The following SLC71A2 variants were observed in gnomAD, a reference collection of about 807,000 sequenced individuals.
The protein encoded by SLC71A2 is solute carrier family 71 member 2.
At chr9:94,419,456 G>A in the SLC71A2 span, among the ~76,000 whole-genome samples, 6 of 151,280 alleles carry the variant, frequency 4.0e-5, no homozygotes, top group Non-Finnish European at 8.8e-5. Context: ...ACCATGCCTG[G>A]CTCTTTTTTT....
the SLC71A2 span, among the ~76,000 whole-genome samples, chr9:94,422,601 A>G: frequency 6.6e-6 from 1 of 152,058 alleles, no homozygotes; most frequent in African/African-American, 2.4e-5. Flanking sequence ...TGGGTGAACA[A>G]TTTACTCTTC....
chr9:94,414,732 T>C, the SLC71A2 span, among the ~76,000 whole-genome samples: 1 of 152,146 alleles, frequency 6.6e-6, no homozygotes, highest in African/African-American at 2.4e-5. Context: ...GGATTTCGGC[T>C]CACTGCAAGC....
At chr9:94,375,361 G>A in the SLC71A2 span, among the ~76,000 whole-genome samples, 1 of 151,814 alleles carries the variant, frequency 6.6e-6, no homozygotes, top group Non-Finnish European at 1.5e-5. Context: ...GGCGTCGGAG[G>A]GGCGGTCCTA....
At chr9:94,454,084 T>C in the SLC71A2 span, 3 of 1,579,416 alleles carry the variant, frequency 1.9e-6, no homozygotes, top group Non-Finnish European at 1.7e-6. Flanking sequence ...AGCCTCACTC[T>C]TAGATTCTCG....
the SLC71A2 span, among the ~76,000 whole-genome samples, chr9:94,449,805 G>T: frequency 6.6e-6 from 1 of 152,176 alleles, no homozygotes; most frequent in African/African-American, 2.4e-5. Context: ...CTAGAAAGTA[G>T]AATCAACTCA....
At chr9:94,389,939 G>C in the SLC71A2 span, among the ~76,000 whole-genome samples, 1 of 151,948 alleles carries the variant, frequency 6.6e-6, no homozygotes, top group African/African-American at 2.4e-5. Flanking sequence ...TCTTGGCCGG[G>C]TGCAGGGGCT....
the SLC71A2 span, among the ~76,000 whole-genome samples, chr9:94,375,645 C>T: frequency 6.6e-6 from 1 of 151,178 alleles, no homozygotes; most frequent in Admixed American, 6.6e-5. Flanking sequence ...GGTCTTAGGA[C>T]CTGAAATATA....
chr9:94,415,544 C>T, the SLC71A2 span, among the ~76,000 whole-genome samples: 46,920 of 151,840 alleles, frequency 0.31, 7,592 homozygotes, highest in Admixed American at 0.44. Flanking sequence ...TACTCTACAG[C>T]AGCAACTCCC....
chr9:94,418,045 C>T, the SLC71A2 span, among the ~76,000 whole-genome samples: 7 of 151,812 alleles, frequency 4.6e-5, no homozygotes, highest in African/African-American at 1.2e-4. Flanking sequence ...TTAGTAGAGA[C>T]GACGGGAGGG....
chr9:94,437,050 G>C, the SLC71A2 span, among the ~76,000 whole-genome samples: 1 of 149,200 alleles, frequency 6.7e-6, no homozygotes, highest in Non-Finnish European at 1.5e-5. Context: ...CTCTCCCAGG[G>C]TTGGGAAGAA....
chr9:94,457,656 C>T, the SLC71A2 span, among the ~76,000 whole-genome samples: 2 of 152,118 alleles, frequency 1.3e-5, no homozygotes, highest in Admixed American at 6.6e-5. Flanking sequence ...TGACAGACAC[C>T]GTCCTGTCAT....
chr9:94,421,889 A>T, the SLC71A2 span, among the ~76,000 whole-genome samples: 3 of 151,996 alleles, frequency 2.0e-5, no homozygotes, highest in Admixed American at 2.0e-4. Context: ...ACAACACTTC[A>T]CATAATGTTG....
the SLC71A2 span, among the ~76,000 whole-genome samples, chr9:94,406,014 C>T: frequency 4.1e-5 from 6 of 146,498 alleles, no homozygotes; most frequent in African/African-American, 5.2e-5. Context: ...TCACCTTCTT[C>T]GTTACATTTA....
chr9:94,455,227 G>A, the SLC71A2 span, among the ~76,000 whole-genome samples: 1 of 133,036 alleles, frequency 7.5e-6, no homozygotes, highest in African/African-American at 3.0e-5. Context: ...GAGTACAGTG[G>A]CACAATCATG....
the SLC71A2 span, among the ~76,000 whole-genome samples, chr9:94,411,079 AT>A: frequency 3.3e-5 from 5 of 152,026 alleles, no homozygotes; most frequent in African/African-American, 1.2e-4. Flanking sequence ...CAGTCTTAGG[AT>A]ATGGCAGGAC....
chr9:94,402,579 C>T, the SLC71A2 span, among the ~76,000 whole-genome samples: 2 of 152,124 alleles, frequency 1.3e-5, no homozygotes, highest in Non-Finnish European at 1.5e-5. Context: ...CTTGTAAGGG[C>T]GCTTTCTATG....
At chr9:94,428,588 A>C in the SLC71A2 span, among the ~76,000 whole-genome samples, 1 of 125,006 alleles carries the variant, frequency 8.0e-6, no homozygotes, top group Admixed American at 8.2e-5. Flanking sequence ...CTACATATGC[A>C]TACCCCCCCC....
At chr9:94,416,713 G>A in the SLC71A2 span, among the ~76,000 whole-genome samples, 1 of 152,168 alleles carries the variant, frequency 6.6e-6, no homozygotes, top group Non-Finnish European at 1.5e-5. Flanking sequence ...AATTAGCTGG[G>A]CATGGTGGTG....
chr9:94,403,131 CTCCTT>C, the SLC71A2 span, among the ~76,000 whole-genome samples: 19 of 152,190 alleles, frequency 1.2e-4, no homozygotes, highest in South Asian at 3.3e-3. Context: ...TTGTGACTGG[CTCCTT>C]TCCTTTCCTT....
Sources: gnomAD v4.1 joint callset for allele counts (sites outside exome capture counted in the v4.1 genomes callset) on GRCh38, gnomAD v4.1.1 for gene constraint, MANE v1.5 for transcripts, NCBI Gene and HGNC (gene_info 2026-07-23, HGNC 2026-07-21) for gene names.